The following CCSER1 variants were observed in gnomAD, a reference collection of about 807,000 sequenced individuals.
CCSER1 encodes the protein serine-rich coiled-coil domain-containing protein 1.
Under a neutral mutation model 82.0 loss-of-function variants are expected in CCSER1, and 41 were observed. That is an observed-to-expected ratio of 0.50 (90% confidence interval 0.39 to 0.65). The LOEUF (loss-of-function observed/expected upper bound fraction) is 0.65. CCSER1 is among the 30% of genes least tolerant of loss of function. The pLI is 0.00. For synonymous variants in CCSER1, 414 were observed against 383.9 expected (o/e 1.08, Z -0.92); for missense variants, 1,119 against 1,064.2 (o/e 1.05, Z -0.72).
At chr4:91,484,603 T>C (rs1175043865) in intron 10 of CCSER1, among the ~76,000 whole-genome samples, 1 of 152,186 alleles carries the variant, frequency 6.6e-6, no homozygotes, top group Non-Finnish European at 1.5e-5. Context: ...TATTTTCCTA[T>C]GATTTATATA....
At chr4:91,250,900 A>G (rs927208553) in intron 10 of CCSER1, among the ~76,000 whole-genome samples, 2 of 152,148 alleles carry the variant, frequency 1.3e-5, no homozygotes, top group African/African-American at 4.8e-5. Context: ...TCCATTTATA[A>G]CTCAGAAAAT....
intron 10 of CCSER1, among the ~76,000 whole-genome samples, chr4:91,438,871 A>C (rs920490436): frequency 1.3e-5 from 2 of 152,226 alleles, no homozygotes; most frequent in African/African-American, 4.8e-5. Context: ...AACTGGAAGA[A>C]AGGGTATCAG....
intron 10 of CCSER1, among the ~76,000 whole-genome samples, chr4:91,211,521 AC>A (rs1433242162): frequency 1.3e-5 from 2 of 152,108 alleles, no homozygotes; most frequent in African/African-American, 4.8e-5. Flanking sequence ...TGAGAAATAA[AC>A]TATTCATGAG....
chr4:91,063,434 T>A (rs1744119813), intron 9 of CCSER1, among the ~76,000 whole-genome samples: 1 of 152,150 alleles, frequency 6.6e-6, no homozygotes, highest in South Asian at 2.1e-4. Flanking sequence ...AACACATAAA[T>A]TTGGGATGAA....
chr4:90,640,992 G>C (rs1394407081), intron 6 of CCSER1, among the ~76,000 whole-genome samples: 1 of 151,990 alleles, frequency 6.6e-6, no homozygotes, highest in Non-Finnish European at 1.5e-5. Flanking sequence ...CAATTACTAG[G>C]TGCATATGAT....
intron 1 of CCSER1, among the ~76,000 whole-genome samples, chr4:90,150,447 G>A (rs1396793193): frequency 6.6e-6 from 1 of 152,064 alleles, no homozygotes; most frequent in African/African-American, 2.4e-5. Context: ...CAATAATACT[G>A]CATCTTGCTG....
chr4:90,850,205 G>A (rs762913172), intron 8 of CCSER1, among the ~76,000 whole-genome samples: 87 of 152,306 alleles, frequency 5.7e-4, no homozygotes, highest in Non-Finnish European at 1.2e-3. Context: ...AGATTTCAGA[G>A]GATGTATGGA....
chr4:90,841,577 C>CAAAAAAA (rs750390139), intron 8 of CCSER1, among the ~76,000 whole-genome samples: 1 of 50,892 alleles, frequency 2.0e-5, no homozygotes, highest in South Asian at 7.2e-4. Flanking sequence ...GACTCTGTCT[C>CAAAAAAA]AAAAAAAAAA....
chr4:91,110,003 T>C (rs1029442280), intron 10 of CCSER1, among the ~76,000 whole-genome samples: 7 of 152,096 alleles, frequency 4.6e-5, no homozygotes, highest in African/African-American at 1.7e-4. Context: ...GCACGTATTT[T>C]GGAGCTTCTT....
intron 9 of CCSER1, among the ~76,000 whole-genome samples, chr4:90,980,192 G>A (rs1735983751): frequency 6.6e-6 from 1 of 151,858 alleles, no homozygotes; most frequent in Admixed American, 6.6e-5. Flanking sequence ...TGTTGCAAAA[G>A]GCCTGGCACA....
chr4:90,575,942 A>AT (rs575783369), intron 5 of CCSER1, among the ~76,000 whole-genome samples: 91 of 151,438 alleles, frequency 6.0e-4, no homozygotes, highest in African/African-American at 2.0e-3. Context: ...GCATATCTGG[A>AT]TTTTTTTTCA....
At chr4:90,377,837 T>G (rs1318846563) in intron 3 of CCSER1, among the ~76,000 whole-genome samples, 1 of 152,106 alleles carries the variant, frequency 6.6e-6, no homozygotes, top group Non-Finnish European at 1.5e-5. Context: ...ATAAATTAAC[T>G]GTGGGTGGAA....
At chr4:90,528,598 C>T (rs1176489892) in intron 5 of CCSER1, among the ~76,000 whole-genome samples, 2 of 152,166 alleles carry the variant, frequency 1.3e-5, no homozygotes, top group African/African-American at 4.8e-5. Context: ...TTAAAGACTT[C>T]ATAATATTAC....
chr4:91,438,207 G>A (rs978144564), intron 10 of CCSER1, among the ~76,000 whole-genome samples: 2 of 152,200 alleles, frequency 1.3e-5, no homozygotes, highest in African/African-American at 4.8e-5. Context: ...CCTGACCCCT[G>A]AGCAGCCTAA....
intron 10 of CCSER1, among the ~76,000 whole-genome samples, chr4:91,173,189 T>C (rs1732947605): frequency 6.6e-6 from 1 of 152,242 alleles, no homozygotes; most frequent in African/African-American, 2.4e-5. Flanking sequence ...AAGATTTTGA[T>C]TAATTTATTC....
chr4:91,046,560 ACT>A (rs1406167114), intron 9 of CCSER1, among the ~76,000 whole-genome samples: 2 of 152,156 alleles, frequency 1.3e-5, no homozygotes, highest in Non-Finnish European at 2.9e-5. Flanking sequence ...GTGTTCCTGA[ACT>A]CACACAAGAA....
chr4:91,375,628 T>C (rs1254180539), intron 10 of CCSER1, among the ~76,000 whole-genome samples: 1 of 152,098 alleles, frequency 6.6e-6, no homozygotes. Flanking sequence ...CATCACCCTC[T>C]GGTTACATTT....
chr4:91,586,237 T>G (rs1763986362), intron 10 of CCSER1, among the ~76,000 whole-genome samples: 1 of 151,570 alleles, frequency 6.6e-6, no homozygotes, highest in Non-Finnish European at 1.5e-5. Flanking sequence ...AAAAATAAGA[T>G]TGAGATACCA....
At chr4:91,385,151 G>A (rs962582773) in intron 10 of CCSER1, among the ~76,000 whole-genome samples, 2 of 151,998 alleles carry the variant, frequency 1.3e-5, no homozygotes, top group Non-Finnish European at 2.9e-5. Flanking sequence ...ATGATTTATA[G>A]TTGTAAAATA....
Sources: gnomAD v4.1 joint callset for allele counts (sites outside exome capture counted in the v4.1 genomes callset) on GRCh38, gnomAD v4.1.1 for gene constraint, MANE v1.5 for transcripts, NCBI Gene and HGNC (gene_info 2026-07-23, HGNC 2026-07-21) for gene names.